The following ZBTB20 variants were observed in gnomAD, a reference collection of about 807,000 sequenced individuals.
ZBTB20 encodes the protein zinc finger and BTB domain containing 20, also known as zinc finger and BTB domain-containing protein 20.
Under a neutral mutation model 56.9 loss-of-function variants are expected in ZBTB20, and 9 were observed. The observed-to-expected ratio is 0.16, with a 90% CI of 0.10 to 0.28. The LOEUF (loss-of-function observed/expected upper bound fraction) is 0.28. Ranked by LOEUF, ZBTB20 falls within the 10% of genes least tolerant of loss-of-function variation. The pLI is 1.00. For missense variants in ZBTB20, 655 were observed against 1,003.0 expected, an observed-to-expected ratio of 0.65 and a Z score of 4.69; for synonymous variants, 417 against 420.7, an observed-to-expected ratio of 0.99 and a Z score of 0.11.
chr3:115,055,108 A>AAT (rs921203167), intron 2 of ZBTB20, among the ~76,000 whole-genome samples: 6 of 150,778 alleles, frequency 4.0e-5, no homozygotes, highest in Non-Finnish European at 7.4e-5. Context: ...TATTATCACT[A>AAT]ATATATATAG....
intron 7 of ZBTB20, among the ~76,000 whole-genome samples, chr3:114,483,924 C>CTT (rs1559853252): frequency 6.6e-6 from 1 of 151,510 alleles, no homozygotes; most frequent in African/African-American, 2.4e-5. Context: ...GTTCAAAGGA[C>CTT]CTTCTTAGTA....
chr3:114,475,103 A>G (rs1345707710), intron 7 of ZBTB20, among the ~76,000 whole-genome samples: 1 of 152,104 alleles, frequency 6.6e-6, no homozygotes. Context: ...ATTTCCCACT[A>G]CTTATCTTCA....
At chr3:114,871,872 A>G (rs2076023901) in intron 4 of ZBTB20, among the ~76,000 whole-genome samples, 1 of 152,122 alleles carries the variant, frequency 6.6e-6, no homozygotes, top group Non-Finnish European at 1.5e-5. Flanking sequence ...TTCAAGTAAG[A>G]CTAAACAACA....
At chr3:114,624,031 A>T (rs1211367624) in intron 6 of ZBTB20, 1 of 152,208 alleles carries the variant, frequency 6.6e-6, no homozygotes, top group Non-Finnish European at 1.5e-5. Context: ...TGTTTGTTTT[A>T]AAAACACCCT....
At chr3:114,679,910 G>A (rs1173186868) in intron 6 of ZBTB20, among the ~76,000 whole-genome samples, 1 of 152,146 alleles carries the variant, frequency 6.6e-6, no homozygotes, top group East Asian at 1.9e-4. Flanking sequence ...TGATTGACTG[G>A]ATAAAGAAAA....
At chr3:114,350,217 C>T in intron 11 of ZBTB20, 57 bp downstream of exon 11, 2 of 1,540,364 alleles carry the variant, frequency 1.3e-6, no homozygotes, top group South Asian at 1.3e-5. Flanking sequence ...TCTTACCTTG[C>T]CTTCCCACAG....
Position 114,335,867 on chromosome 3 carries a change from G to A in ZBTB20, c.*3138C>T, listed in dbSNP as rs1467574289. 6.6e-6 allele frequency: 1 copy of A among 151,962 alleles called. No individual in the cohort carries two copies. The highest frequency in any genetic ancestry group is 1.5e-5 in the Non-Finnish European group (1 of 68,000). The allele number at this position is 151,962 out of a possible 1,614,324, so 9.4% of individuals were successfully genotyped here. On this transcript the variant is annotated 3_prime_UTR_variant, in exon 12 of 12. Transcript: ENST00000675478. ...AGGGAAAGGATGATAGACTCCTCAGGGTTTCAAGTCACCTGCAGCTTTTTC... is the reference window on the plus strand; with the variant it reads ...AGGGAAAGGATGATAGACTCCTCAGAGTTTCAAGTCACCTGCAGCTTTTTC...
chr3:114,740,253 A>G (rs1258875957), intron 5 of ZBTB20, among the ~76,000 whole-genome samples: 2 of 152,250 alleles, frequency 1.3e-5, no homozygotes, highest in East Asian at 3.8e-4. Context: ...CTATTTAAAT[A>G]AAATGATGGA....
chr3:115,101,644 A>C (rs1341198401), intron 1 of ZBTB20, among the ~76,000 whole-genome samples: 1 of 152,238 alleles, frequency 6.6e-6, no homozygotes, highest in African/African-American at 2.4e-5. Context: ...TGTGTCATTT[A>C]GATGGGACTT....
chr3:115,041,082 G>A (rs2081122851), intron 2 of ZBTB20, among the ~76,000 whole-genome samples: 1 of 152,116 alleles, frequency 6.6e-6, no homozygotes, highest in Non-Finnish European at 1.5e-5. Flanking sequence ...GATGGAAAAG[G>A]CAGTTGAGGA....
At chr3:115,142,245 T>G (rs1342950522) in intron 1 of ZBTB20, among the ~76,000 whole-genome samples, 1 of 152,210 alleles carries the variant, frequency 6.6e-6, no homozygotes, top group Non-Finnish European at 1.5e-5. Flanking sequence ...AAACTGCTCA[T>G]TTATAAATAT....
At chr3:114,588,160 C>T (rs962329748) in intron 6 of ZBTB20, among the ~76,000 whole-genome samples, 2 of 152,124 alleles carry the variant, frequency 1.3e-5, no homozygotes, top group Admixed American at 6.5e-5. Context: ...GGGGAAGGGG[C>T]GGACAGCTTT....
At position 114,819,884 on chromosome 3, in the gene ZBTB20, A is replaced by C. The variant is rs558981395; in HGVS notation, c.-416-18710T>G. Among the ~76,000 whole-genome samples the C allele has an allele frequency of 8.5e-5, 13 of 152,078 alleles. No homozygotes were observed. In the South Asian group the frequency reaches 1.9e-3, roughly 22 times the overall value. On this transcript the variant is annotated intron_variant, in intron 4 of 11. Coordinates refer to ENST00000675478, the MANE Select transcript of ZBTB20 (RefSeq NM_001348800.3). ...GACCACAAGCAAACAATTTATAAAAATAAGAAAACAATGACAAACATGTAA... is the reference window on the plus strand; with the variant it reads ...GACCACAAGCAAACAATTTATAAAACTAAGAAAACAATGACAAACATGTAA...
At chr3:114,996,764 G>A (rs558319790) in intron 2 of ZBTB20, among the ~76,000 whole-genome samples, 2 of 151,806 alleles carry the variant, frequency 1.3e-5, no homozygotes, top group South Asian at 4.2e-4. Context: ...AGATCATGTG[G>A]TATTTCTAGT....
At chr3:114,754,772 A>G (rs1037578797) in intron 5 of ZBTB20, among the ~76,000 whole-genome samples, 2 of 152,142 alleles carry the variant, frequency 1.3e-5, no homozygotes, top group East Asian at 3.8e-4. Flanking sequence ...GATATGGCTT[A>G]AAGGGGTTCA....
intron 5 of ZBTB20, among the ~76,000 whole-genome samples, chr3:114,694,901 T>C (rs2062911979): frequency 6.6e-6 from 1 of 152,226 alleles, no homozygotes; most frequent in Admixed American, 6.6e-5. Context: ...AATGAAGTGA[T>C]TGGTCCACTA....
chr3:115,006,481 A>ATATAT (rs2079478624), intron 2 of ZBTB20, among the ~76,000 whole-genome samples: 1 of 151,366 alleles, frequency 6.6e-6, no homozygotes, highest in African/African-American at 2.4e-5. Context: ...ATATATATAT[A>ATATAT]ACCATTTGTC....
intron 1 of ZBTB20, among the ~76,000 whole-genome samples, chr3:115,125,174 T>C (rs995260637): frequency 2.0e-5 from 3 of 151,686 alleles, no homozygotes; most frequent in Admixed American, 6.6e-5. Flanking sequence ...AGACCCCACC[T>C]CTCCAAAAAA....
chr3:114,972,784 C>T (rs936221192), intron 3 of ZBTB20, among the ~76,000 whole-genome samples: 2 of 152,008 alleles, frequency 1.3e-5, no homozygotes, highest in Non-Finnish European at 2.9e-5. Context: ...AATCGTCTAG[C>T]AGATAACCAA....
Sources: allele counts gnomAD v4.1 joint callset (sites outside exome capture counted in the v4.1 genomes callset), GRCh38; gene constraint gnomAD v4.1.1; transcripts MANE v1.5; gene names NCBI Gene and HGNC (gene_info 2026-07-23, HGNC 2026-07-21).